DPYSL3: variants seen among roughly 807,000 people sequenced by gnomAD.
DPYSL3 encodes dihydropyrimidinase like 3, also known as dihydropyrimidinase-related protein 3.
A neutral mutation model predicts 66.1 loss-of-function variants in DPYSL3; 16 were observed. The observed-to-expected ratio is 0.24, with a 90% CI of 0.16 to 0.37. The LOEUF is 0.37. Ranked by LOEUF, DPYSL3 falls within the 10% of genes least tolerant of loss-of-function variation. The pLI, the probability that DPYSL3 is intolerant of heterozygous loss-of-function variation, is 1.00. For missense variants in DPYSL3, 738 were observed against 916.2 expected, an observed-to-expected ratio of 0.81 and a Z score of 2.51; for synonymous variants, 338 against 345.1, an observed-to-expected ratio of 0.98 and a Z score of 0.23.
At position 147,415,851 on chromosome 5, in the gene DPYSL3, A is replaced by C. The variant is rs771694171; in HGVS notation, c.678T>G (p.Pro226=). The change falls in exon 4 of 14, where the codon CCT becomes CCG. Residue 226 remains proline, a synonymous_variant. Transcript: ENST00000343218. ...CATAGGCCTCAGTCAGGCTGGACTC[A>C]GGCTCAGGCACCACATGGTCAACTG... ...TMIIDHVVPE[P]ESSLTEAYEK... 1 of 1,613,868 alleles carries C rather than the reference A, an allele frequency of 6.2e-7. No individual in the cohort carries two copies. Among genetic ancestry groups the C allele is most frequent in the Non-Finnish European group, 8.5e-7 (1 of 1,179,960 alleles).
At chr5:147,483,047 G>A (rs1040060258) in intron 1 of DPYSL3, among the ~76,000 whole-genome samples, 5 of 152,178 alleles carry the variant, frequency 3.3e-5, no homozygotes, top group Admixed American at 6.5e-5. Flanking sequence ...CGCTTGACAC[G>A]TTGGGATTAC....
chr5:147,398,956 G>A, intron 11 of DPYSL3, 126 bp downstream of exon 11: 1 of 1,298,888 alleles, frequency 7.7e-7, no homozygotes, highest in Non-Finnish European at 1.1e-6. Context: ...AGATTTAGGG[G>A]ATGGATTATT....
chr5:147,452,965 C>G (rs1280462333), intron 1 of DPYSL3, among the ~76,000 whole-genome samples: 2 of 151,232 alleles, frequency 1.3e-5, no homozygotes, highest in Non-Finnish European at 2.9e-5. Context: ...CGTTAGCTGT[C>G]CAGTCCCATA....
At position 147,394,064 on chromosome 5, in the gene DPYSL3, C is replaced by T. The variant is rs375392700; in HGVS notation, c.2026G>A (p.Gly676Ser). ...ASKRIVAPPG[G>S]RSNITSLS ...CTCAGAGATGTGATATTAGAACGGC[C>T]GCCTGGGGGCGCCACGATGCGCTTG... The change falls in exon 14 of 14, where the codon GGC (glycine) becomes AGC (serine). Residue 676 changes from glycine to serine, a missense_variant. Physicochemically the swap from Gly to Ser is moderately conservative, Grantham distance 56. Coordinates refer to ENST00000343218, the MANE Select transcript of DPYSL3 (RefSeq NM_001197294.2). 6.2e-7 allele frequency: 1 copy of T among 1,614,024 alleles called. No homozygotes were observed. The highest frequency in any genetic ancestry group is 1.3e-5 in the African/African-American group (1 of 74,912).
rs1757828543 is a variant in DPYSL3, at chr5:147,392,163, A to G, written c.*1872T>C. The G allele has an allele frequency of 6.6e-6, 1 of 151,924 alleles. No homozygotes were observed. Among genetic ancestry groups the G allele is most frequent in the Non-Finnish European group, 1.5e-5 (1 of 67,984 alleles). 9.4% of individuals were successfully genotyped at this position (151,924 alleles called of 1,614,324 possible). ...ACTGTTATTCTTAGTTCTCTGAAAGACCCCCACATCTTTGAAGTGTAAACT... is the reference window on the plus strand; with the variant it reads ...ACTGTTATTCTTAGTTCTCTGAAAGGCCCCCACATCTTTGAAGTGTAAACT... On this transcript the variant is annotated 3_prime_UTR_variant, in exon 14 of 14. Transcript: ENST00000343218.
chr5:147,466,110 T>A (rs1399944849), intron 1 of DPYSL3, among the ~76,000 whole-genome samples: 1 of 152,252 alleles, frequency 6.6e-6, no homozygotes, highest in Admixed American at 6.5e-5. Context: ...TCTGGGCTCA[T>A]AGACACACAT....
At chr5:147,435,030 C>T (rs1752391426) in intron 1 of DPYSL3, among the ~76,000 whole-genome samples, 1 of 152,162 alleles carries the variant, frequency 6.6e-6, no homozygotes, top group South Asian at 2.1e-4. Flanking sequence ...TCTATGGGAG[C>T]TCTCTGTACT....
chr5:147,469,670 A>G (rs999774747), intron 1 of DPYSL3, among the ~76,000 whole-genome samples: 7 of 152,184 alleles, frequency 4.6e-5, no homozygotes, highest in African/African-American at 9.7e-5. Context: ...TATTTTTTGC[A>G]CATTTTTCTG....
At chr5:147,488,412 A>G (rs1753368113) in intron 1 of DPYSL3, among the ~76,000 whole-genome samples, 1 of 152,300 alleles carries the variant, frequency 6.6e-6, no homozygotes, top group East Asian at 1.9e-4. Flanking sequence ...TGTGAGTCCT[A>G]TCTCTGCCAC....
rs146651092 is a variant in DPYSL3, at chr5:147,434,259, G to A, written c.382-9296C>T. On this transcript the variant is annotated intron_variant, in intron 1 of 13. Coordinates refer to ENST00000343218, the MANE Select transcript of DPYSL3 (RefSeq NM_001197294.2). ...TCCAGTACAGATTAAAGCCAAGTCA[G>A]TGCTTTAGAGAGCTAATTCATGTCC... Among the ~76,000 whole-genome samples the A allele has an allele frequency of 2.5e-3, 382 of 152,344 alleles. 1 individual carries two copies. Among genetic ancestry groups the A allele is most frequent in the African/African-American group, 8.9e-3 (369 of 41,576 alleles).
In DPYSL3 at chr5:147,456,581, ATTTTTTTTT is replaced by A. The variant is rs985633099; in HGVS notation, c.382-31627_382-31619del. On this transcript the variant is annotated intron_variant, in intron 1 of 13. Transcript: ENST00000343218. Reference sequence around the variant, plus strand: ...TCTTTCAGCAAATGCTACTGATTCTATTTTTTTTTTTTTTTTTTTTTTTTTTGAGACAGA... The same window carrying A: ...TCTTTCAGCAAATGCTACTGATTCTATTTTTTTTTTTTTTTTTGAGACAGA... 4.7e-4 allele frequency among the ~76,000 whole-genome samples: 38 copies of A among 80,336 alleles called. 1 individual carries two copies. Among genetic ancestry groups the A allele is most frequent in the East Asian group, 2.1e-3 (5 of 2,354 alleles). The allele number at this position is 80,336 out of a possible 152,430, so 52.7% of individuals were successfully genotyped here.
intron 1 of DPYSL3, among the ~76,000 whole-genome samples, chr5:147,498,236 C>G (rs947652877): frequency 2.6e-5 from 4 of 151,950 alleles, no homozygotes; most frequent in African/African-American, 9.7e-5. Context: ...TGGCCTCCAG[C>G]TCTACCCATA....
At chr5:147,453,711 C>A in intron 1 of DPYSL3, 3 of 1,317,940 alleles carry the variant, frequency 2.3e-6, no homozygotes, top group South Asian at 4.2e-5. Flanking sequence ...GGCCGCGCCG[C>A]CGCCTCCGCC....
At chr5:147,405,754 TCAATAGAAA>T in intron 7 of DPYSL3, 24 bp from the exon 8 acceptor site, 1 of 1,599,994 alleles carries the variant, frequency 6.3e-7, no homozygotes, top group Non-Finnish European at 8.5e-7. Context: ...TCTCCAGGAG[TCAATAGAAA>T]CATGAACCTC....
intron 1 of DPYSL3, among the ~76,000 whole-genome samples, chr5:147,484,622 C>G (rs903154863): frequency 6.6e-6 from 1 of 152,134 alleles, no homozygotes; most frequent in African/African-American, 2.4e-5. Context: ...ACAGTGTAGA[C>G]AGAATCAGGC....
chr5:147,407,938 A>C (rs1337747712), intron 7 of DPYSL3, among the ~76,000 whole-genome samples: 1 of 152,106 alleles, frequency 6.6e-6, no homozygotes, highest in Non-Finnish European at 1.5e-5. Flanking sequence ...TAGGATAGAA[A>C]CATTTTTTTC....
At chr5:147,508,568 T>A (rs1399363537) in intron 1 of DPYSL3, among the ~76,000 whole-genome samples, 1 of 152,212 alleles carries the variant, frequency 6.6e-6, no homozygotes, top group East Asian at 1.9e-4. Context: ...CTGCATTTTC[T>A]GAACTACATC....
In DPYSL3 at chr5:147,399,272, T is replaced by G. The variant is rs1435930407; in HGVS notation, c.1453-20A>C. 11 of 1,609,830 alleles carry G rather than the reference T, an allele frequency of 6.8e-6. No homozygotes were observed. Among genetic ancestry groups the G allele is most frequent in the Non-Finnish European group, 9.3e-6 (11 of 1,177,694 alleles). On this transcript the variant is annotated intron_variant, in intron 10 of 13. Coordinates refer to ENST00000343218, the MANE Select transcript of DPYSL3 (RefSeq NM_001197294.2). ...TGTGGCCTATTGAAATATAAGAAAT[T>G]ATATCTATATCTATAGCTACATATA...
intron 1 of DPYSL3, among the ~76,000 whole-genome samples, chr5:147,437,828 C>A (rs1406430067): frequency 1.3e-5 from 2 of 152,116 alleles, no homozygotes; most frequent in East Asian, 1.9e-4. Flanking sequence ...AAAATAATAT[C>A]TTTTTCAAAG....
Sources: allele counts gnomAD v4.1 joint callset (sites outside exome capture counted in the v4.1 genomes callset), GRCh38; gene constraint gnomAD v4.1.1; transcripts MANE v1.5; gene names NCBI Gene and HGNC (gene_info 2026-07-23, HGNC 2026-07-21).